Variants in CEACAM19 observed in about 807,000 individuals in gnomAD.
CEACAM19 encodes the protein cell adhesion molecule CEACAM19.
Under a neutral mutation model 37.6 loss-of-function variants are expected in CEACAM19, and 37 were observed. The observed-to-expected ratio is 0.98, with a 90% CI of 0.76 to 1.29. The LOEUF (loss-of-function observed/expected upper bound fraction) is 1.29. CEACAM19 is among the 50% of genes most tolerant of loss of function. The pLI is 0.00. For missense variants in CEACAM19, 340 were observed against 375.6 expected, an observed-to-expected ratio of 0.91 and a Z score of 0.78; for synonymous variants, 140 against 149.8, an observed-to-expected ratio of 0.93 and a Z score of 0.48.
At chr19:44,675,480 A>G (rs1973931624) in intron 2 of CEACAM19, among the ~76,000 whole-genome samples, 1 of 152,054 alleles carries the variant, frequency 6.6e-6, no homozygotes, top group Admixed American at 6.6e-5. Flanking sequence ...CATCAACCGA[A>G]GTGAGAAAAA....
chr19:44,668,475 AATAT>A (rs1277348475), upstream of CEACAM19, among the ~76,000 whole-genome samples: 9 of 62,844 alleles, frequency 1.4e-4, no homozygotes, highest in African/African-American at 5.2e-4. Flanking sequence ...TATATAATAT[AATAT>A]ATATATTATA....
At chr19:44,676,016 C>A (rs1973941685) in intron 2 of CEACAM19, among the ~76,000 whole-genome samples, 1 of 151,842 alleles carries the variant, frequency 6.6e-6, no homozygotes, top group African/African-American at 2.4e-5. Flanking sequence ...AGTGATCCTC[C>A]CCCATCGGCC....
chr19:44,667,623 TAA>T (rs1491139725), upstream of CEACAM19, among the ~76,000 whole-genome samples: 14 of 93,148 alleles, frequency 1.5e-4, no homozygotes, highest in Middle Eastern at 4.7e-3. Context: ...TATATATTTA[TAA>T]ATATATAAAT....
At chr19:44,683,182 C>G (rs1476760327) in intron 7 of CEACAM19, 1 of 411,568 alleles carries the variant, frequency 2.4e-6, no homozygotes, top group Non-Finnish European at 4.4e-6. Context: ...CTTCGTTTCT[C>G]TGCATCTCTG....
At chr19:44,668,193 T>G (rs1277486415), upstream of CEACAM19, among the ~76,000 whole-genome samples, 2 of 83,898 alleles carry the variant, frequency 2.4e-5, no homozygotes, top group South Asian at 3.7e-4. Context: ...TAATATATTT[T>G]ATATATTATA....
rs115957414 is a variant in CEACAM19 at position 44,680,759 on chromosome 19, C to T, written c.706+425C>T. ...CTGTGCCCTTGGGACAAAGTTTAGT[C>T]TCCTTAACATGGTTCTCAAGGCCCT... On this transcript the variant is annotated intron_variant, in intron 5 of 7. Transcript: ENST00000358777. 5.5e-3 allele frequency among the ~76,000 whole-genome samples: 843 copies of T among 152,322 alleles called. 8 individuals carry two copies. Among genetic ancestry groups the T allele is most frequent in the African/African-American group, 0.019 (798 of 41,564 alleles).
chr19:44,679,711 T>A (rs1276967974), intron 4 of CEACAM19, among the ~76,000 whole-genome samples: 1 of 150,834 alleles, frequency 6.6e-6, no homozygotes, highest in Non-Finnish European at 1.5e-5. Flanking sequence ...ATTGCACCAC[T>A]GCACTCCAGC....
intron 1 of CEACAM19, 88 bp from the exon 2 acceptor site, chr19:44,672,508 C>T: frequency 7.5e-7 from 1 of 1,334,068 alleles, no homozygotes; most frequent in Non-Finnish European, 9.9e-7. Flanking sequence ...AGTCCTTGCT[C>T]CCCGCTGAAG....
At chr19:44,666,352 C>T (rs758524982) in intron 1 of CEACAM19, among the ~76,000 whole-genome samples, 3 of 152,018 alleles carry the variant, frequency 2.0e-5, no homozygotes, top group Non-Finnish European at 2.9e-5. Context: ...CGGAGACAGA[C>T]CAAGGAAACT....
chr19:44,681,073 G>T (rs546610261), intron 5 of CEACAM19, among the ~76,000 whole-genome samples, 154 bp from the exon 6 acceptor site: 1 of 152,136 alleles, frequency 6.6e-6, no homozygotes, highest in Non-Finnish European at 1.5e-5. Context: ...TGGGACTGTC[G>T]TGGTCAGCAC....
At chr19:44,666,954 C>T (rs187028245), upstream of CEACAM19, 7 of 151,878 alleles carry the variant, frequency 4.6e-5, no homozygotes, top group African/African-American at 1.7e-4. Context: ...TCCCCATTCT[C>T]CAGGGGAGGA....
chr19:44,683,018 C>A, intron 7 of CEACAM19: 1 of 255,832 alleles, frequency 3.9e-6, no homozygotes, highest in Non-Finnish European at 7.4e-6. Flanking sequence ...TCTCAGTGGC[C>A]TACATATGTC....
chr19:44,675,097 C>CGTGTGTGT (rs59147604), intron 2 of CEACAM19, among the ~76,000 whole-genome samples: 3,420 of 143,858 alleles, frequency 0.024, 92 homozygotes, highest in East Asian at 0.12. Context: ...CAGAGAACAG[C>CGTGTGTGT]GTGTGTGTGT....
intron 5 of CEACAM19, 55 bp downstream of exon 5, chr19:44,680,389 C>T: frequency 6.7e-7 from 1 of 1,481,556 alleles, no homozygotes. Flanking sequence ...CTCCTCCTTT[C>T]TCCCCTATAG....
At chr19:44,665,922 A>T (rs1973705208) in intron 1 of CEACAM19, 1 of 152,240 alleles carries the variant, frequency 6.6e-6, no homozygotes, top group African/African-American at 2.4e-5. Flanking sequence ...AGCGCCGCCC[A>T]CCGCTCAACC....
Position 44,682,620 on chromosome 19 carries a change from G to A in CEACAM19, c.846G>A (p.Gln282=). The A allele has an allele frequency of 6.2e-7, 1 of 1,602,000 alleles. No individual in the cohort carries two copies. Among genetic ancestry groups the A allele is most frequent in the East Asian group, 2.3e-5 (1 of 44,370 alleles). Residue 282 remains glutamine (Q), a splice_region_variant and synonymous_variant, in exon 7 of 8, where the codon CAG becomes CAA. Transcript: ENST00000358777. ...LQAEPENHQY[Q]DLLNPDPAPY... is the part of the protein sequence containing the mutation. ...CGGAGCCAGAGAACCACCAGTACCA[G>A]GTATGGAGCTGGGAGCTGGGAGGGG...
At chr19:44,677,484 G>C (rs1258413295) in intron 3 of CEACAM19, 1 of 152,186 alleles carries the variant, frequency 6.6e-6, no homozygotes, top group East Asian at 1.9e-4. Context: ...AGACAGTCCT[G>C]TTTCCCCCAG....
In CEACAM19 at chr19:44,672,664, C is replaced by A. The variant is rs758364348; in HGVS notation, c.124C>A (p.Gln42Lys). ...AALYIQKIPE[Q>K]PQKNQDLLLS... ...TCTCTACATCCAGAAGATTCCAGAGCAGCCTCAAAAGAACCAGGACCTTCT... is the reference window on the plus strand; with the variant it reads ...TCTCTACATCCAGAAGATTCCAGAGAAGCCTCAAAAGAACCAGGACCTTCT... The change falls in exon 2 of 8, where the codon CAG (glutamine) becomes AAG (lysine). Residue 42 changes from glutamine (Q) to lysine (K), a missense_variant. Coordinates refer to ENST00000358777, the MANE Select transcript of CEACAM19 (RefSeq NM_001127893.3). 2.8e-5 allele frequency: 43 copies of A among 1,533,362 alleles called. No individual in the cohort carries two copies. Among genetic ancestry groups the A allele is most frequent in the Non-Finnish European group, 3.7e-5 (42 of 1,138,962 alleles). 95.0% of individuals were successfully genotyped at this position (1,533,362 alleles called of 1,614,324 possible). A position where few individuals can be genotyped will look rare whatever the true frequency, so the allele number is the denominator to read the frequency against.
upstream of CEACAM19, among the ~76,000 whole-genome samples, chr19:44,670,805 AAAAAAAC>A (rs1973842889): frequency 7.0e-6 from 1 of 143,226 alleles, no homozygotes; most frequent in Non-Finnish European, 1.5e-5. Flanking sequence ...AAAAAAAAAA[AAAAAAAC>A]AGGCTGAGCG....
Sources: gnomAD v4.1 joint callset for allele counts (sites outside exome capture counted in the v4.1 genomes callset) on GRCh38, gnomAD v4.1.1 for gene constraint, MANE v1.5 for transcripts, NCBI Gene and HGNC (gene_info 2026-07-23, HGNC 2026-07-21) for gene names.